The following RASGEF1B variants were observed in gnomAD, a reference collection of about 807,000 sequenced individuals.
The protein encoded by RASGEF1B is ras-GEF domain-containing family member 1B.
RASGEF1B carries 30 observed loss-of-function variants against 65.7 expected under a neutral mutation model. The ratio of observed to expected loss-of-function variants is 0.46; its 90% confidence interval spans 0.34 to 0.62. RASGEF1B has a LOEUF of 0.62. RASGEF1B is among the 20% of genes least tolerant of loss of function. The pLI, the probability that RASGEF1B is intolerant of heterozygous loss-of-function variation, is 0.01. For synonymous variants in RASGEF1B, 175 were observed against 194.8 expected, an observed-to-expected ratio of 0.90 and a Z score of 0.85; for missense variants, 495 against 580.1, an observed-to-expected ratio of 0.85 and a Z score of 1.51.
Position 81,448,226 on chromosome 4 carries a change from G to A in RASGEF1B, c.497C>T (p.Ala166Val), listed in dbSNP as rs1218124640. 8.1e-6 allele frequency: 13 copies of A among 1,613,698 alleles called. No homozygotes were observed. The highest frequency in any genetic ancestry group is 1.1e-5 in the South Asian group (1 of 91,054). Residue 166 changes from alanine (A) to valine (V), a missense_variant, in exon 5 of 14, where the codon GCG becomes GTG. Transcript: ENST00000264400. ...MMQCLIRKLA[A>V]LSQYEEVLAK... ...CAGGACTTCTTCGTACTGGCTGAGC[G>A]CAGCAAGCTTGCGGATCAGACACTG...
Position 81,432,318 on chromosome 4 carries a change from C to T in RASGEF1B, c.1378G>A (p.Asp460Asn). 3 of 1,609,160 alleles carry T rather than the reference C, an allele frequency of 1.9e-6. No homozygotes were observed. Among genetic ancestry groups the T allele is most frequent in the Non-Finnish European group, 2.6e-6 (3 of 1,175,906 alleles). ...ACCCACCTTAAAGACTTCCATCTGT[C>T]TTTCTCTATATGATTTTCAGGTCCT... The part of the protein sequence containing the change: ...SEGPENHIEK[D>N]RWKSLRSSLL... The change falls in exon 13 of 14, where the codon GAC (aspartate) becomes AAC (asparagine). Residue 460 changes from aspartate (D) to asparagine (N), a missense_variant. Transcript: ENST00000264400.
chr4:81,449,428 T>C (rs1000490578), intron 4 of RASGEF1B, among the ~76,000 whole-genome samples: 1 of 152,236 alleles, frequency 6.6e-6, no homozygotes, highest in African/African-American at 2.4e-5. Flanking sequence ...AATGACTTCA[T>C]AATCCATCAA....
intron 1 of RASGEF1B, among the ~76,000 whole-genome samples, chr4:81,466,818 GAA>G (rs1189301021): frequency 5.0e-5 from 7 of 141,354 alleles, no homozygotes; most frequent in African/African-American, 1.9e-4. Flanking sequence ...AAGAAAGAAA[GAA>G]AGAAAATTTC....
At chr4:81,461,056 C>T (rs953022800) in intron 1 of RASGEF1B, among the ~76,000 whole-genome samples, 4 of 152,170 alleles carry the variant, frequency 2.6e-5, no homozygotes, top group Admixed American at 1.3e-4. Context: ...CAAGACCTCA[C>T]ATGTAGGAAC....
rs565356586 is a variant in RASGEF1B, at chr4:81,458,338, G to A, written c.178-717C>T. 1.2e-4 allele frequency among the ~76,000 whole-genome samples: 18 copies of A among 152,078 alleles called. No homozygotes were observed. In the East Asian group the frequency reaches 1.4e-3, roughly 11 times the overall value. On this transcript the variant is annotated intron_variant, in intron 2 of 13. Transcript: ENST00000264400. ...TGGGATTTTTCTTTTTTCCTTAGGC[G>A]CCTTTACTAGCTCATAAACACAGGG...
intron 10 of RASGEF1B, among the ~76,000 whole-genome samples, chr4:81,437,329 A>G (rs1721664534): frequency 6.6e-6 from 1 of 152,246 alleles, no homozygotes; most frequent in Non-Finnish European, 1.5e-5. Context: ...GAAGACAGCC[A>G]TATTCATTCA....
intron 1 of RASGEF1B, among the ~76,000 whole-genome samples, chr4:81,464,698 C>G (rs1314519986): frequency 1.3e-5 from 2 of 152,268 alleles, no homozygotes; most frequent in South Asian, 2.1e-4. Flanking sequence ...TGCACAGAAC[C>G]TAGATATTAT....
At chr4:81,446,843 A>G (rs149233926) in intron 6 of RASGEF1B, among the ~76,000 whole-genome samples, 201 of 152,336 alleles carry the variant, frequency 1.3e-3, no homozygotes, top group Middle Eastern at 6.8e-3. Flanking sequence ...ATTAGGAGAC[A>G]CTATTCTAAG....
rs777550804 is a variant in RASGEF1B, at chr4:81,448,290, G to A, written c.439-6C>T. The A allele has an allele frequency of 1.9e-6, 3 of 1,609,902 alleles. No homozygotes were observed. In the South Asian group the frequency reaches 3.3e-5, roughly 18 times the overall value. ...ACATTCTTTCTGTATGTCTGCTAGG[G>A]AATAAGCGAAGAATTACATCCGTAC... On this transcript the variant is annotated splice_polypyrimidine_tract_variant and splice_region_variant and intron_variant, in intron 4 of 13. Coordinates refer to ENST00000264400, the MANE Select transcript of RASGEF1B (RefSeq NM_152545.3).
chr4:81,430,950 C>T (rs114807699), intron 13 of RASGEF1B, among the ~76,000 whole-genome samples: 2,593 of 152,002 alleles, frequency 0.017, 79 homozygotes, highest in African/African-American at 0.059. Flanking sequence ...AAATAATCTA[C>T]AAGAAAAGTA....
intron 13 of RASGEF1B, among the ~76,000 whole-genome samples, chr4:81,429,571 C>T (rs1031114130): frequency 1.3e-5 from 2 of 152,142 alleles, no homozygotes; most frequent in African/African-American, 2.4e-5. Flanking sequence ...ACCACCCTGG[C>T]CCACCACGCC....
At chr4:81,463,797 A>C (rs1722722570) in intron 1 of RASGEF1B, among the ~76,000 whole-genome samples, 1 of 152,316 alleles carries the variant, frequency 6.6e-6, no homozygotes, top group South Asian at 2.1e-4. Flanking sequence ...GGTATTACTC[A>C]GACTTGATGT....
At chr4:81,440,479 G>A (rs1578618375) in intron 10 of RASGEF1B, among the ~76,000 whole-genome samples, 2 of 152,076 alleles carry the variant, frequency 1.3e-5, no homozygotes, top group South Asian at 4.1e-4. Flanking sequence ...ATATTAAGTC[G>A]GCTACCTTGT....
intron 4 of RASGEF1B, among the ~76,000 whole-genome samples, chr4:81,450,079 A>G (rs1376587014): frequency 2.0e-5 from 3 of 152,220 alleles, no homozygotes; most frequent in Non-Finnish European, 4.4e-5. Context: ...TCAGTTTAGA[A>G]AATGCTATTT....
Position 81,440,873 on chromosome 4 carries a change from T to C in RASGEF1B, c.1065A>G (p.Ala355=), listed in dbSNP as rs1484295253. The C allele has an allele frequency of 1.2e-6, 2 of 1,613,310 alleles. No homozygotes were observed. The highest frequency in any genetic ancestry group is 2.7e-5 in the African/African-American group (2 of 74,920). ...FYNYRTALRG[A]AQRSLTAHSS... ...TATGAGCAGTTAAAGACCTTTGTGC[T>C]GCCCCACGAAGAGCTGTTCGATAAT... The change falls in exon 10 of 14, where the codon GCA becomes GCG. Residue 355 remains alanine, a synonymous_variant. Coordinates refer to ENST00000264400, the MANE Select transcript of RASGEF1B (RefSeq NM_152545.3).
intron 1 of RASGEF1B, among the ~76,000 whole-genome samples, chr4:81,462,925 A>G (rs1722696068): frequency 6.6e-6 from 1 of 152,158 alleles, no homozygotes; most frequent in Non-Finnish European, 1.5e-5. Context: ...ACTATATAAG[A>G]AGCTGAGGTT....
At chr4:81,461,255 C>T (rs1049656167) in intron 1 of RASGEF1B, among the ~76,000 whole-genome samples, 11 of 141,246 alleles carry the variant, frequency 7.8e-5, no homozygotes, top group African/African-American at 2.7e-4. Flanking sequence ...ACTCATAGTG[C>T]CCTCAAACGA....
rs1222475717 is a variant in RASGEF1B at position 81,433,864 on chromosome 4, T to C, written c.1300A>G (p.Thr434Ala). ...RDRKILQYLL[T>A]VPVFSEDALY... is the part of the protein sequence containing the mutation. ...CCATCTTCACTGAAGACTGGTACTG[T>C]GAGCAGATACTGCAAGATCTTCCGG... Residue 434 changes from threonine to alanine, a missense_variant, in exon 12 of 14, where the codon ACA (threonine) becomes GCA (alanine). Transcript: ENST00000264400. 1 of 1,614,104 alleles carries C rather than the reference T, an allele frequency of 6.2e-7. No homozygotes were observed. The highest frequency in any genetic ancestry group is 8.5e-7 in the Non-Finnish European group (1 of 1,179,972).
At chr4:81,455,363 G>C (rs923752619) in intron 4 of RASGEF1B, 3 of 152,208 alleles carry the variant, frequency 2.0e-5, no homozygotes, top group African/African-American at 7.2e-5. Flanking sequence ...GATTAAGCCA[G>C]AGAAGTCAAG....
Sources: allele counts gnomAD v4.1 joint callset (sites outside exome capture counted in the v4.1 genomes callset), GRCh38; gene constraint gnomAD v4.1.1; transcripts MANE v1.5; gene names NCBI Gene and HGNC (gene_info 2026-07-23, HGNC 2026-07-21).